The following PRKN variants were observed in gnomAD, a reference collection of about 807,000 sequenced individuals.
PRKN encodes the protein parkin RBR E3 ubiquitin protein ligase.
In PRKN, 56 loss-of-function variants were observed where a neutral mutation model predicts 59.5. That is an observed-to-expected ratio of 0.94 (90% CI 0.76 to 1.18). The LOEUF is 1.18. PRKN is among the 50% of genes most tolerant of loss of function. PRKN has a pLI of 0.00. For missense variants in PRKN, 657 were observed against 596.4 expected (o/e 1.10, Z -1.06); for synonymous variants, 250 against 222.1 (o/e 1.13, Z -1.12).
At position 161,488,535 on chromosome 6, in the gene PRKN, G is replaced by C. The variant is rs1182591551; in HGVS notation, c.1083+60319C>G. Among the ~76,000 whole-genome samples the C allele has an allele frequency of 2.6e-5, 4 of 152,082 alleles. No homozygotes were observed. Among genetic ancestry groups the C allele is most frequent in the Admixed American group, 2.0e-4 (3 of 15,274 alleles). The stretch of plus-strand genomic sequence containing the variant: ...GATAGGGTCTTCCTCTGCCACGTAG[G>C]CTGAAGTGTGGTGGTGCCATCATAG... On this transcript the variant is annotated intron_variant, in intron 9 of 11. Transcript: ENST00000366898. This position sits in a 1 kb window ranked among gnomAD's most constrained non-coding sequence, Gnocchi z 4.5.
At chr6:162,669,687 C>T (rs763465392) in intron 1 of PRKN, among the ~76,000 whole-genome samples, 2 of 152,072 alleles carry the variant, frequency 1.3e-5, no homozygotes, top group Admixed American at 6.5e-5. Context: ...AGTGCACTAT[C>T]GATTTAAGAA....
At chr6:161,613,611 C>T (rs1256712534) in intron 7 of PRKN, among the ~76,000 whole-genome samples, 1 of 152,030 alleles carries the variant, frequency 6.6e-6, no homozygotes, top group Non-Finnish European at 1.5e-5. Flanking sequence ...CAAACATCAC[C>T]GTTGTCTTAG....
At chr6:162,617,005 A>T (rs1229927812) in intron 1 of PRKN, among the ~76,000 whole-genome samples, 1 of 152,160 alleles carries the variant, frequency 6.6e-6, no homozygotes, top group Non-Finnish European at 1.5e-5. Flanking sequence ...ATTTCTTAAA[A>T]ATTATTATTT....
At chr6:162,499,409 G>T (rs1267417101) in intron 1 of PRKN, among the ~76,000 whole-genome samples, 1 of 152,050 alleles carries the variant, frequency 6.6e-6, no homozygotes, top group Non-Finnish European at 1.5e-5. Flanking sequence ...CTTCAAATCT[G>T]TTTCTTTATC....
rs1037852820 is a variant in PRKN, at chr6:161,845,490, T to C, written c.735-59582A>G. Among the ~76,000 whole-genome samples, 10 of 152,114 alleles carry C rather than the reference T, an allele frequency of 6.6e-5. 1 individual carries two copies. The highest frequency in any genetic ancestry group is 6.6e-5 in the Admixed American group (1 of 15,264). On this transcript the variant is annotated intron_variant, in intron 6 of 11. Transcript: ENST00000366898. ...GAACAGTATTGGAGGCAGGAAAATG[T>C]CCTCACGTGCCACAAGATTTTAAAT...
At chr6:161,439,154 A>G (rs568415916) in intron 9 of PRKN, among the ~76,000 whole-genome samples, 9 of 152,334 alleles carry the variant, frequency 5.9e-5, no homozygotes, top group South Asian at 2.1e-4. Context: ...GAAAAGGCAG[A>G]CAAGGTCCTG....
rs113093856 is a variant in PRKN at position 162,309,006 on chromosome 6, G to T, written c.172-46241C>A. Among the ~76,000 whole-genome samples the T allele has an allele frequency of 8.0e-3, 1,217 of 152,164 alleles. 14 individuals carry two copies. The highest frequency in any genetic ancestry group is 0.028 in the African/African-American group (1,173 of 41,512). ...AAATGGAAACAAACAATGTAATTTA[G>T]TCAGGTATCTTGAAAGATCAAGCAC... On this transcript the variant is annotated intron_variant, in intron 2 of 11. Transcript: ENST00000366898.
At chr6:162,558,422 T>A (rs9458585) in intron 1 of PRKN, among the ~76,000 whole-genome samples, 1 of 150,388 alleles carries the variant, frequency 6.6e-6, no homozygotes, top group East Asian at 2.0e-4. Context: ...CTCCGCCTCC[T>A]GGGTTCAAGC....
At position 161,509,750 on chromosome 6, in the gene PRKN, C is replaced by T. The variant is rs187568347; in HGVS notation, c.1083+39104G>A. Among the ~76,000 whole-genome samples the T allele has an allele frequency of 4.6e-5, 7 of 151,622 alleles. No homozygotes were observed. In the East Asian group the frequency reaches 9.7e-4, roughly 21 times the overall value. On this transcript the variant is annotated intron_variant, in intron 9 of 11. Coordinates refer to ENST00000366898, the MANE Select transcript of PRKN (RefSeq NM_004562.3). Reference sequence around the variant, plus strand: ...CAAAAATTAGCTGTGTGTGGTGGTGCGCGCCTGTAATCCCAGCTACTCAGG... The same window carrying T: ...CAAAAATTAGCTGTGTGTGGTGGTGTGCGCCTGTAATCCCAGCTACTCAGG...
At chr6:161,748,737 G>A (rs370669995) in intron 7 of PRKN, among the ~76,000 whole-genome samples, 1 of 152,154 alleles carries the variant, frequency 6.6e-6, no homozygotes, top group East Asian at 1.9e-4. Flanking sequence ...CGCGGGGAGT[G>A]TATGGAGAGC....
chr6:162,332,673 C>A (rs539936620), intron 2 of PRKN, among the ~76,000 whole-genome samples: 255 of 152,244 alleles, frequency 1.7e-3, no homozygotes, highest in African/African-American at 6.0e-3. Flanking sequence ...AGAAATTTAT[C>A]ATAATAAATA....
rs549944738 is a variant in PRKN, at chr6:161,758,390, C to G, written c.871+27382G>C. Among the ~76,000 whole-genome samples the G allele has an allele frequency of 7.2e-5, 11 of 152,174 alleles. No homozygotes were observed. The South Asian group carries it at 2.3e-3, about 32-fold the overall frequency. On this transcript the variant is annotated intron_variant, in intron 7 of 11. Coordinates refer to ENST00000366898, the MANE Select transcript of PRKN (RefSeq NM_004562.3). ...TATACATAAAATATACACAATTCAG[C>G]AGTAGAAAGGAGTAAACTTTTCTTA...
chr6:162,017,535 A>G (rs189027010), intron 5 of PRKN, among the ~76,000 whole-genome samples: 2 of 152,320 alleles, frequency 1.3e-5, no homozygotes, highest in East Asian at 3.9e-4. Flanking sequence ...TGTAACACTG[A>G]AAATTTTAAC....
intron 1 of PRKN, among the ~76,000 whole-genome samples, chr6:162,516,797 A>G (rs767775401): frequency 6.6e-6 from 1 of 151,978 alleles, no homozygotes; most frequent in Non-Finnish European, 1.5e-5. Context: ...GAAAAGAAAA[A>G]AGAAACATTT....
In PRKN at chr6:161,518,403, G is replaced by C. The variant is rs997108468; in HGVS notation, c.1083+30451C>G. 1.3e-5 allele frequency among the ~76,000 whole-genome samples: 2 copies of C among 152,334 alleles called. No homozygotes were observed. Among genetic ancestry groups the C allele is most frequent in the South Asian group, 2.1e-4 (1 of 4,828 alleles). On this transcript the variant is annotated intron_variant, in intron 9 of 11. Transcript: ENST00000366898. This position sits in a 1 kb window ranked among gnomAD's most constrained non-coding sequence, Gnocchi z 5.0. ...GAAACAGCCAGTAGCCAGGCGTGGT[G>C]GTGGGCGCCTGTAGTCCCAGCTACT...
Position 161,457,970 on chromosome 6 carries a change from C to T in PRKN, c.1084-71093G>A, listed in dbSNP as rs575480219. Among the ~76,000 whole-genome samples the T allele has an allele frequency of 2.0e-5, 3 of 152,306 alleles. No homozygotes were observed. The South Asian group carries it at 6.2e-4, about 32-fold the overall frequency. ...AAGGGTTGTGGGCTTTTATGGGACA[C>T]AAGCTGAACTGTCATGCAGACAATG... On this transcript the variant is annotated intron_variant, in intron 9 of 11. Transcript: ENST00000366898. This position sits in a 1 kb window ranked among gnomAD's most constrained non-coding sequence, Gnocchi z 5.0.
At chr6:161,667,921 C>T (rs1784780006) in intron 7 of PRKN, among the ~76,000 whole-genome samples, 1 of 152,074 alleles carries the variant, frequency 6.6e-6, no homozygotes, top group South Asian at 2.1e-4. Context: ...TTCAGATAAT[C>T]AAACAATGTT....
Position 161,355,851 on chromosome 6 carries a change from T to C in PRKN, c.1285+4237A>G, listed in dbSNP as rs1211205986. ...ACATGTAAATGAACAAATTAAGCAA[T>C]GATCTGGGAAGGAAGTGGTGCTATG... On this transcript the variant is annotated intron_variant, in intron 11 of 11. Transcript: ENST00000366898. The surrounding 1 kb of genome is among the most constrained non-coding windows in gnomAD (Gnocchi z 6.8). Among the ~76,000 whole-genome samples, 1 of 152,092 alleles carries C rather than the reference T, an allele frequency of 6.6e-6. No homozygotes were observed. The highest frequency in any genetic ancestry group is 2.4e-5 in the African/African-American group (1 of 41,410).
At chr6:162,323,769 T>C (rs1467930193) in intron 2 of PRKN, among the ~76,000 whole-genome samples, 1 of 152,044 alleles carries the variant, frequency 6.6e-6, no homozygotes, top group African/African-American at 2.4e-5. Context: ...TGGTGAAGGT[T>C]GGGAATAACT....
Sources: allele counts gnomAD v4.1 joint callset (sites outside exome capture counted in the v4.1 genomes callset), GRCh38; gene constraint gnomAD v4.1.1; non-coding constraint Gnocchi (gnomAD v3.1); transcripts MANE v1.5; gene names NCBI Gene and HGNC (gene_info 2026-07-23, HGNC 2026-07-21).